ASAP1: variants seen among roughly 807,000 people sequenced by gnomAD.
ASAP1 encodes the protein ArfGAP with SH3 domain, ankyrin repeat and PH domain 1.
In ASAP1, 43 loss-of-function variants were observed where a neutral mutation model predicts 145.2. The ratio of observed to expected loss-of-function variants is 0.30; its 90% CI spans 0.23 to 0.38. The LOEUF is 0.38. ASAP1 is among the 10% of genes least tolerant of loss of function. The pLI is 1.00. For synonymous variants in ASAP1, 546 were observed against 515.5 expected, an observed-to-expected ratio of 1.06 and a Z score of -0.80; for missense variants, 1,018 against 1,355.3, an observed-to-expected ratio of 0.75 and a Z score of 3.91.
chr8:130,188,421 G>A (rs1334836006), intron 5 of ASAP1, among the ~76,000 whole-genome samples: 1 of 152,040 alleles, frequency 6.6e-6, no homozygotes, highest in Non-Finnish European at 1.5e-5. Flanking sequence ...GCATGTGAGT[G>A]AGGAGCTAAG....
intron 11 of ASAP1, among the ~76,000 whole-genome samples, chr8:130,166,065 A>G (rs890027683): frequency 6.6e-5 from 10 of 152,136 alleles, no homozygotes; most frequent in African/African-American, 2.4e-4. Context: ...TCCATTGCCC[A>G]GGCTGGAGTA....
chr8:130,155,350 T>C (rs929492851), intron 12 of ASAP1, among the ~76,000 whole-genome samples: 1 of 152,110 alleles, frequency 6.6e-6, no homozygotes, highest in African/African-American at 2.4e-5. Flanking sequence ...CTGGCACAGT[T>C]GAGAGCAGTA....
intron 1 of ASAP1, among the ~76,000 whole-genome samples, chr8:130,443,220 C>G (rs565415233): frequency 0.035 from 5,268 of 151,868 alleles, 131 homozygotes; most frequent in Middle Eastern, 0.082. Flanking sequence ...AGACCTCCCC[C>G]CCCCACCGGG....
chr8:130,100,311 G>A (rs114650645), intron 24 of ASAP1, among the ~76,000 whole-genome samples: 4 of 149,280 alleles, frequency 2.7e-5, no homozygotes, highest in South Asian at 2.1e-4. Context: ...TTTATATGTC[G>A]TGTTTTCTTT....
In ASAP1 at chr8:130,276,687, AACACAC is replaced by A. The variant is rs1161892776; in HGVS notation, c.187-39699_187-39694del. On this transcript the variant is annotated intron_variant, in intron 3 of 29. Transcript: ENST00000518721. Reference sequence around the variant, plus strand: ...ACGTGAACTGAGAGCCAAGACTGCAAACACACACACACACACACACACACACACACA... The same window carrying A: ...ACGTGAACTGAGAGCCAAGACTGCAAACACACACACACACACACACACACA... Among the ~76,000 whole-genome samples the A allele has an allele frequency of 9.0e-3, 825 of 91,576 alleles. 3 individuals carry two copies. Among genetic ancestry groups the A allele is most frequent in the Non-Finnish European group, 0.011 (495 of 45,954 alleles). 60.1% of individuals were successfully genotyped at this position (91,576 alleles called of 152,430 possible).
intron 3 of ASAP1, among the ~76,000 whole-genome samples, chr8:130,270,927 C>T (rs189602665): frequency 2.6e-5 from 4 of 152,256 alleles, no homozygotes; most frequent in Admixed American, 1.3e-4. Context: ...AGTAGTTCAC[C>T]CTACAGTGTA....
Position 130,060,896 on chromosome 8 carries a change from G to A in ASAP1, c.2875C>T (p.Pro959Ser). 1 of 1,613,084 alleles carries A rather than the reference G, an allele frequency of 6.2e-7. No homozygotes were observed. The highest frequency in any genetic ancestry group is 8.5e-7 in the Non-Finnish European group (1 of 1,179,298). The change falls in exon 28 of 30, where the codon CCA becomes TCA. Residue 959 changes from proline to serine, a missense_variant. By Grantham distance (74) the Pro-to-Ser change is moderately conservative. Coordinates refer to ENST00000518721, the MANE Select transcript of ASAP1 (RefSeq NM_018482.4). ...KPQIGDLPPK[P>S]GELPPKPQLG... ...TGTGGTTTGGGGGGCAGTTCTCCTG[G>A]CTTAGGCGGCAAATCTCCAATTTGG...
intron 13 of ASAP1, among the ~76,000 whole-genome samples, chr8:130,140,868 C>G (rs1202653886): frequency 6.6e-6 from 1 of 152,172 alleles, no homozygotes; most frequent in Non-Finnish European, 1.5e-5. Context: ...GCTGAGCCCA[C>G]GAATACCAGA....
In ASAP1 at chr8:130,082,153, A is replaced by G. The variant is rs1382407781; in HGVS notation, c.2573-2182T>C. 2.6e-5 allele frequency among the ~76,000 whole-genome samples: 4 copies of G among 152,210 alleles called. No homozygotes were observed. The East Asian group carries it at 7.7e-4, about 29-fold the overall frequency. On this transcript the variant is annotated intron_variant, in intron 25 of 29. Coordinates refer to ENST00000518721, the MANE Select transcript of ASAP1 (RefSeq NM_018482.4). ...CACCTCCTGGACAGAATGTTCTGTA[A>G]TTCTATGATATTGATACAAGAAGAA...
chr8:130,136,213 C>T (rs2097594340), intron 14 of ASAP1, among the ~76,000 whole-genome samples: 1 of 152,118 alleles, frequency 6.6e-6, no homozygotes, highest in South Asian at 2.1e-4. Context: ...TCAGTACAAG[C>T]ACAGGTAGCC....
intron 8 of ASAP1, among the ~76,000 whole-genome samples, chr8:130,179,662 C>A (rs537510187): frequency 2.0e-5 from 3 of 152,172 alleles, no homozygotes; most frequent in African/African-American, 7.2e-5. Context: ...TGGTCAAAAA[C>A]TGGAAAGATT....
chr8:130,150,997 A>T (rs78053364), intron 13 of ASAP1, among the ~76,000 whole-genome samples: 2,585 of 152,312 alleles, frequency 0.017, 37 homozygotes, highest in East Asian at 0.054. Flanking sequence ...TAAATATAAG[A>T]AAATAAAAAT....
chr8:130,212,607 A>C (rs764261094), intron 5 of ASAP1, among the ~76,000 whole-genome samples: 10 of 152,228 alleles, frequency 6.6e-5, no homozygotes, highest in Non-Finnish European at 1.2e-4. Context: ...AGGTACAGTA[A>C]CCACAGGATT....
intron 4 of ASAP1, among the ~76,000 whole-genome samples, chr8:130,236,532 A>G (rs1818225924): frequency 6.6e-6 from 1 of 152,094 alleles, no homozygotes; most frequent in Non-Finnish European, 1.5e-5. Flanking sequence ...ACCATCGCCA[A>G]TATTGATTTT....
At chr8:130,117,455 T>C (rs887384135) in intron 20 of ASAP1, among the ~76,000 whole-genome samples, 4 of 152,220 alleles carry the variant, frequency 2.6e-5, no homozygotes, top group African/African-American at 9.6e-5. Context: ...TGGACTTTTA[T>C]ACAATTTGGC....
At chr8:130,274,548 C>T (rs759755632) in intron 3 of ASAP1, among the ~76,000 whole-genome samples, 24 of 152,204 alleles carry the variant, frequency 1.6e-4, no homozygotes, top group Non-Finnish European at 2.4e-4. Context: ...TACTTAACCC[C>T]GCCACACAAT....
chr8:130,377,429 A>C (rs1253571046), intron 2 of ASAP1, among the ~76,000 whole-genome samples: 1 of 152,210 alleles, frequency 6.6e-6, no homozygotes, highest in Non-Finnish European at 1.5e-5. Flanking sequence ...ACATTGCAGA[A>C]GGGGTGTTTT....
intron 3 of ASAP1, among the ~76,000 whole-genome samples, chr8:130,258,544 C>A (rs1314048872): frequency 6.6e-6 from 1 of 152,162 alleles, no homozygotes; most frequent in Admixed American, 6.5e-5. Context: ...GAGACGAGAG[C>A]CCAGATAACT....
At chr8:130,428,067 C>T (rs1829989842) in intron 1 of ASAP1, among the ~76,000 whole-genome samples, 1 of 152,138 alleles carries the variant, frequency 6.6e-6, no homozygotes, top group Non-Finnish European at 1.5e-5. Context: ...CCCGCCCCAC[C>T]ATTGTCTACA....
Sources: gnomAD v4.1 joint callset for allele counts (sites outside exome capture counted in the v4.1 genomes callset) on GRCh38, gnomAD v4.1.1 for gene constraint, MANE v1.5 for transcripts, NCBI Gene and HGNC (gene_info 2026-07-23, HGNC 2026-07-21) for gene names.